Variants in SSBP3 observed in about 807,000 individuals in gnomAD.
SSBP3 encodes the protein single-stranded DNA-binding protein 3.
SSBP3 carries 5 observed loss-of-function variants against 69.6 expected under a neutral mutation model. The observed-to-expected ratio is 0.07, with a 90% CI of 0.04 to 0.15. The LOEUF is 0.15. Ranked by LOEUF, SSBP3 falls within the 10% of genes least tolerant of loss-of-function variation. The pLI, the probability that SSBP3 is intolerant of heterozygous loss-of-function variation, is 1.00. For missense variants in SSBP3, 312 were observed against 534.0 expected (o/e 0.58, Z 4.10); for synonymous variants, 196 against 193.4 (o/e 1.01, Z -0.11).
chr1:54,409,206 T>A (rs1649926494), upstream of SSBP3, among the ~76,000 whole-genome samples: 1 of 152,148 alleles, frequency 6.6e-6, no homozygotes, highest in East Asian at 1.9e-4. Context: ...CTCAGTTCCC[T>A]TCTTCTACCA....
chr1:54,316,661 A>AT lies in SSBP3; in HGVS notation c.277-35135_277-35134insA, dbSNP rs1646109968. On this transcript the variant is annotated intron_variant, in intron 4 of 17. Coordinates refer to ENST00000610401, the Ensembl canonical transcript of SSBP3. ...AGACTCCGTCTCAAAAAAAAAAAAT[A>AT]AAATAAATAAATAAATAAATAAATA... Among the ~76,000 whole-genome samples the AT allele has an allele frequency of 9.8e-5, 6 of 60,996 alleles. 1 individual carries two copies. Among genetic ancestry groups the AT allele is most frequent in the Admixed American group, 5.9e-4 (3 of 5,116 alleles). The allele number at this position is 60,996 out of a possible 152,430, so 40.0% of individuals were successfully genotyped here.
chr1:54,261,951 T>C (rs1439183450), intron 5 of SSBP3, among the ~76,000 whole-genome samples: 1 of 152,104 alleles, frequency 6.6e-6, no homozygotes, highest in African/African-American at 2.4e-5. Flanking sequence ...GAGAGGCCCA[T>C]GACAGAGGTG....
chr1:54,293,357 T>A (rs1283366889), intron 4 of SSBP3, among the ~76,000 whole-genome samples: 2 of 152,042 alleles, frequency 1.3e-5, no homozygotes, highest in African/African-American at 2.4e-5. Context: ...TGGGAGTTCA[T>A]CCACTGAGAA....
intron 4 of SSBP3, among the ~76,000 whole-genome samples, chr1:54,381,855 G>C (rs151215196): frequency 6.6e-6 from 1 of 152,250 alleles, no homozygotes; most frequent in Non-Finnish European, 1.5e-5. Flanking sequence ...TGCCTTCCTA[G>C]GGGACAAGTC....
At chr1:54,394,012 G>A (rs768602359) in intron 4 of SSBP3, among the ~76,000 whole-genome samples, 1 of 152,104 alleles carries the variant, frequency 6.6e-6, no homozygotes, top group Admixed American at 6.5e-5. Flanking sequence ...CGCCTGCCTC[G>A]GCCTCCCAAA....
chr1:54,228,772 G>A, exon 15 of SSBP3: 3 of 1,608,548 alleles, frequency 1.9e-6, no homozygotes, highest in Non-Finnish European at 2.5e-6. Flanking sequence ...ATGTGGTGTG[G>A]CTCCATGCCA....
At chr1:54,304,139 A>G (rs933315736) in intron 4 of SSBP3, among the ~76,000 whole-genome samples, 1 of 152,214 alleles carries the variant, frequency 6.6e-6, no homozygotes, top group African/African-American at 2.4e-5. Flanking sequence ...CAAGGGAGCC[A>G]TGACGAGTTC....
chr1:54,373,344 A>G (rs1647166667), intron 4 of SSBP3, among the ~76,000 whole-genome samples: 1 of 152,150 alleles, frequency 6.6e-6, no homozygotes, highest in Non-Finnish European at 1.5e-5. Context: ...TCTTCTATAA[A>G]AAGCGAGTGC....
chr1:54,245,592 C>T (rs75310399), intron 9 of SSBP3, among the ~76,000 whole-genome samples: 2,359 of 152,226 alleles, frequency 0.015, 26 homozygotes, highest in Non-Finnish European at 0.023. Flanking sequence ...GGAAGGATGT[C>T]CAGACAGGAT....
chr1:54,285,436 A>C (rs1235291044), intron 4 of SSBP3: 1 of 152,192 alleles, frequency 6.6e-6, no homozygotes, highest in Non-Finnish European at 1.5e-5. Context: ...GAGACCCAGC[A>C]CAACGTGAGG....
At chr1:54,335,991 CG>C (rs983632769) in intron 4 of SSBP3, 1 of 152,250 alleles carries the variant, frequency 6.6e-6, no homozygotes, top group African/African-American at 2.4e-5. Flanking sequence ...GAGAGATGGG[CG>C]CCAATTCCAG....
chr1:54,353,525 C>T (rs1016142855), intron 4 of SSBP3, among the ~76,000 whole-genome samples: 6 of 152,178 alleles, frequency 3.9e-5, no homozygotes, highest in Admixed American at 3.3e-4. Flanking sequence ...GCTGGCCCCA[C>T]CAAGTCAAGA....
chr1:54,269,078 C>T (rs993918983), intron 5 of SSBP3, among the ~76,000 whole-genome samples: 2 of 152,176 alleles, frequency 1.3e-5, no homozygotes, highest in Non-Finnish European at 2.9e-5. Context: ...ATCTGCCCCG[C>T]CTCGTGGAAT....
chr1:54,310,194 G>A (rs375523202), intron 4 of SSBP3, among the ~76,000 whole-genome samples: 1 of 152,204 alleles, frequency 6.6e-6, no homozygotes, highest in African/African-American at 2.4e-5. Flanking sequence ...CCAGCAGGCC[G>A]TGTGGACCTC....
At chr1:54,281,346 G>T in intron 5 of SSBP3, 92 bp downstream of exon 5, 1 of 1,011,010 alleles carries the variant, frequency 9.9e-7, no homozygotes, top group South Asian at 1.6e-5. Context: ...ATGGCAAACT[G>T]AGCTACTTAC....
At chr1:54,283,136 G>A (rs895451567) in intron 4 of SSBP3, among the ~76,000 whole-genome samples, 3 of 152,052 alleles carry the variant, frequency 2.0e-5, no homozygotes, top group African/African-American at 7.2e-5. Context: ...ATGTGGTGGT[G>A]GGCGCCTGCA....
chr1:54,410,461 C>T (rs1649959426), upstream of SSBP3, among the ~76,000 whole-genome samples: 1 of 152,222 alleles, frequency 6.6e-6, no homozygotes, highest in Admixed American at 6.5e-5. Flanking sequence ...CTCCTCACAG[C>T]TGCTAGGAGG....
At position 54,335,175 on chromosome 1, in the gene SSBP3, C is replaced by T. The variant is rs137879991; in HGVS notation, c.277-53648G>A. 3.9e-3 allele frequency among the ~76,000 whole-genome samples: 595 copies of T among 152,344 alleles called. 7 individuals carry two copies. Among genetic ancestry groups the T allele is most frequent in the African/African-American group, 0.013 (542 of 41,574 alleles). On this transcript the variant is annotated intron_variant, in intron 4 of 17. Coordinates refer to ENST00000610401, the Ensembl canonical transcript of SSBP3. ...TCAGCTCTTGTTACCAGAATCCCAT[C>T]AAGAAGGGCAAAGCACTACGCTTTC...
chr1:54,406,430 G>C (rs1444060859), upstream of SSBP3: 1 of 153,322 alleles, frequency 6.5e-6, no homozygotes, highest in Admixed American at 6.6e-5. Context: ...ACCCGGGCGA[G>C]GGAGCGAGGC....
Sources: allele counts gnomAD v4.1 joint callset (sites outside exome capture counted in the v4.1 genomes callset), GRCh38; gene constraint gnomAD v4.1.1; transcripts MANE v1.5; gene names NCBI Gene and HGNC (gene_info 2026-07-23, HGNC 2026-07-21).